Variants in UPF2 observed in about 807,000 individuals in gnomAD.
The protein encoded by UPF2 is UPF2 regulator of nonsense mediated mRNA decay.
Under a neutral mutation model 141.4 loss-of-function variants are expected in UPF2, and 17 were observed. The observed-to-expected ratio is 0.12, with a 90% CI of 0.08 to 0.18. The LOEUF (loss-of-function observed/expected upper bound fraction) is 0.18. Ranked by LOEUF, UPF2 falls within the 10% of genes least tolerant of loss-of-function variation. The pLI is 1.00. For synonymous variants in UPF2, 540 were observed against 498.0 expected, an observed-to-expected ratio of 1.08 and a Z score of -1.12; for missense variants, 1,152 against 1,515.9, an observed-to-expected ratio of 0.76 and a Z score of 3.99.
At position 11,998,728 on chromosome 10, in the gene UPF2, C is replaced by T. The variant is rs1056215988; in HGVS notation, c.1759-971G>A. On this transcript the variant is annotated intron_variant, in intron 7 of 21. Transcript: ENST00000357604. The surrounding 1 kb of genome is among the most constrained non-coding windows in gnomAD (Gnocchi z 4.5). The stretch of plus-strand genomic sequence containing the variant: ...AATTAGCCGGGCATGGTGGCGGGCA[C>T]CTGTAGTCCCAGCTACTCGGGAGGC... 4.6e-5 allele frequency among the ~76,000 whole-genome samples: 7 copies of T among 152,086 alleles called. No individual in the cohort carries two copies. The highest frequency in any genetic ancestry group is 1.7e-4 in the African/African-American group (7 of 41,410).
rs531393718 is a variant in UPF2 at position 11,922,894 on chromosome 10, C to T, written c.3810-1587G>A. 2.9e-4 allele frequency among the ~76,000 whole-genome samples: 44 copies of T among 152,038 alleles called. No individual in the cohort carries two copies. The South Asian group carries it at 8.3e-3, about 29-fold the overall frequency. On this transcript the variant is annotated intron_variant, in intron 21 of 21. Transcript: ENST00000357604. ...TCCACTAAAAATAAAAAAAATTAGCCATTTGTAGTGGTGTGTGCCTATAGT... is the reference window on the plus strand; with the variant it reads ...TCCACTAAAAATAAAAAAAATTAGCTATTTGTAGTGGTGTGTGCCTATAGT...
At chr10:11,965,171 A>G (rs1307068095) in intron 10 of UPF2, among the ~76,000 whole-genome samples, 1 of 152,212 alleles carries the variant, frequency 6.6e-6, no homozygotes, top group East Asian at 1.9e-4. Context: ...CTGTGGACAT[A>G]TTTATGATTA....
chr10:12,005,304 T>G (rs2131271939), intron 4 of UPF2, among the ~76,000 whole-genome samples: 1 of 152,062 alleles, frequency 6.6e-6, no homozygotes, highest in South Asian at 2.1e-4. Flanking sequence ...TTAAAGAGAG[T>G]TTATTCAATT....
In UPF2 at chr10:11,952,167, T is replaced by G. The variant is rs1359566514; in HGVS notation, c.2933A>C (p.Asp978Ala). ...FPIDIDYMIS[D>A]TLELLRPKIK... The stretch of plus-strand genomic sequence containing the variant: ...CTTTGGTCTTAGCAGTTCTAGTGTA[T>G]CACTGATCATGTAATCTATATCAAT... Residue 978 changes from aspartate (D) to alanine (A), a missense_variant, in exon 15 of 22, where the codon GAT becomes GCT. Asp to Ala is a moderately radical substitution (Grantham distance 126). Around this residue, in one of 4 missense-constraint regions of UPF2, gnomAD observed 739 missense variants for 1,032.2 expected, o/e 0.72. Coordinates refer to ENST00000357604, the MANE Select transcript of UPF2 (RefSeq NM_015542.4). 6.2e-7 allele frequency: 1 copy of G among 1,613,990 alleles called. No homozygotes were observed. The highest frequency in any genetic ancestry group is 1.7e-5 in the Admixed American group (1 of 60,022).
intron 4 of UPF2, among the ~76,000 whole-genome samples, chr10:12,007,422 T>C (rs955591521): frequency 5.3e-5 from 8 of 151,998 alleles, no homozygotes; most frequent in African/African-American, 1.9e-4. Context: ...AAAAAGAAAT[T>C]CAACTTTTGA....
intron 8 of UPF2, among the ~76,000 whole-genome samples, chr10:11,993,007 G>A (rs527917390): frequency 2.6e-4 from 39 of 151,850 alleles, no homozygotes; most frequent in Admixed American, 8.5e-4. Flanking sequence ...AAAATTACCC[G>A]GGCGTGGTGG....
chr10:12,014,829 T>C lies in UPF2; in HGVS notation c.1146-645A>G. On this transcript the variant is annotated intron_variant, in intron 3 of 21. Transcript: ENST00000357604. The surrounding 1 kb of genome is among the most constrained non-coding windows in gnomAD (Gnocchi z 5.0). ...TATCTTTTGAAAAAGCCCACAATCT[T>C]CCACACAGCCAATTCTCAATCTACT... Among the ~76,000 whole-genome samples, 1 of 152,160 alleles carries C rather than the reference T, an allele frequency of 6.6e-6. No individual in the cohort carries two copies. Among genetic ancestry groups the C allele is most frequent in the Non-Finnish European group, 1.5e-5 (1 of 68,038 alleles).
intron 16 of UPF2, among the ~76,000 whole-genome samples, chr10:11,944,013 A>C (rs1346501203): frequency 1.3e-5 from 2 of 151,138 alleles, no homozygotes; most frequent in African/African-American, 2.4e-5. Flanking sequence ...AAACAAACAA[A>C]AAAAAAAAAC....
chr10:11,999,960 T>C lies in UPF2; in HGVS notation c.1704A>G (p.Val568=). Residue 568 remains valine (V), a synonymous_variant, in exon 7 of 22, where the codon GTA becomes GTG. Coordinates refer to ENST00000357604, the MANE Select transcript of UPF2 (RefSeq NM_015542.4). ...ASTGSHLKLI[V]DAFLQQLPNC... ...TGGGTAACTGCTGTAGGAAAGCATC[T>C]ACTATGAGCTTGAGATGAGATCCAG... is the stretch of plus-strand genomic sequence containing the variant. 1 of 1,613,762 alleles carries C rather than the reference T, an allele frequency of 6.2e-7. No individual in the cohort carries two copies.
Position 12,035,497 on chromosome 10 carries a change from T to C in UPF2, c.-18-56A>G, listed in dbSNP as rs1337908669. 2.7e-6 allele frequency: 4 copies of C among 1,455,446 alleles called. No individual in the cohort carries two copies. In the African/African-American group the frequency reaches 4.3e-5, roughly 16 times the overall value. 90.2% of individuals were successfully genotyped at this position (1,455,446 alleles called of 1,614,324 possible). On this transcript the variant is annotated intron_variant, in intron 1 of 21. Transcript: ENST00000357604. Reference sequence around the variant, plus strand: ...GATGCAGTGACTTTTTAAAATGATATCACACTATTTTTTTAAACAGAACAT... The same window carrying C: ...GATGCAGTGACTTTTTAAAATGATACCACACTATTTTTTTAAACAGAACAT...
rs988345766 is a variant in UPF2, at chr10:11,921,961, A to G, written c.3810-654T>C. ...GTTGCTGTAGACGTAATTACTTCAG[A>G]TAAGGCCATACTGGAGCAGGGTGGA... On this transcript the variant is annotated intron_variant, in intron 21 of 21. Transcript: ENST00000357604. This position sits in a 1 kb window ranked among gnomAD's most constrained non-coding sequence, Gnocchi z 5.9. Among the ~76,000 whole-genome samples, 2 of 152,236 alleles carry G rather than the reference A, an allele frequency of 1.3e-5. No homozygotes were observed. The highest frequency in any genetic ancestry group is 4.8e-5 in the African/African-American group (2 of 41,464).
chr10:12,040,045 T>C (rs1834708176), intron 1 of UPF2, among the ~76,000 whole-genome samples: 1 of 152,234 alleles, frequency 6.6e-6, no homozygotes, highest in South Asian at 2.1e-4. Flanking sequence ...TCCCAAACTT[T>C]CATGACTCTT....
At chr10:11,948,024 G>A (rs548004983) in intron 16 of UPF2, among the ~76,000 whole-genome samples, 19 of 151,898 alleles carry the variant, frequency 1.3e-4, no homozygotes, top group Non-Finnish European at 1.6e-4. Context: ...GAGAGGGGCA[G>A]ATCACCTGAA....
intron 9 of UPF2, among the ~76,000 whole-genome samples, chr10:11,973,801 C>T (rs894757996): frequency 9.2e-5 from 14 of 152,192 alleles, no homozygotes; most frequent in Non-Finnish European, 2.1e-4. Context: ...TGTAGTATAG[C>T]TTGAAGTCAG....
chr10:11,967,699 A>C (rs1284264897), intron 9 of UPF2, among the ~76,000 whole-genome samples: 1 of 150,962 alleles, frequency 6.6e-6, no homozygotes, highest in Non-Finnish European at 1.5e-5. Flanking sequence ...ACAGGCGCCC[A>C]CCACCACACC....
chr10:11,951,519 CA>C (rs1442487296), intron 15 of UPF2, among the ~76,000 whole-genome samples: 4 of 152,124 alleles, frequency 2.6e-5, no homozygotes, highest in Non-Finnish European at 5.9e-5. Context: ...CTCTTCTCCC[CA>C]AAACAACCTC....
intron 3 of UPF2, among the ~76,000 whole-genome samples, chr10:12,023,509 C>CT: frequency 1.1e-5 from 1 of 91,984 alleles, no homozygotes; most frequent in African/African-American, 4.7e-5. Flanking sequence ...CCTGTCTCTA[C>CT]TAAAAAAAAA....
At chr10:11,996,549 G>A (rs1324323182) in intron 8 of UPF2, among the ~76,000 whole-genome samples, 4 of 152,036 alleles carry the variant, frequency 2.6e-5, no homozygotes, top group African/African-American at 9.7e-5. Context: ...TCACCATGTT[G>A]GTCAGGCTGG....
chr10:11,922,058 C>T (rs918967795), intron 21 of UPF2, among the ~76,000 whole-genome samples: 1 of 152,074 alleles, frequency 6.6e-6, no homozygotes, highest in African/African-American at 2.4e-5. Flanking sequence ...GGGGAAAAGG[C>T]CACGTGAAGA....
Sources: allele counts gnomAD v4.1 joint callset (sites outside exome capture counted in the v4.1 genomes callset), GRCh38; gene constraint gnomAD v4.1.1; regional missense constraint gnomAD v4.1.1; non-coding constraint Gnocchi (gnomAD v3.1); transcripts MANE v1.5; gene names NCBI Gene and HGNC (gene_info 2026-07-23, HGNC 2026-07-21).